Variants in FREM1 observed in about 807,000 individuals in gnomAD.
FREM1 encodes the protein FRAS1 related extracellular matrix 1.
In FREM1, 220 loss-of-function variants were observed where a neutral mutation model predicts 210.1. That is an observed-to-expected ratio of 1.05 (90% confidence interval 0.94 to 1.17). The LOEUF is 1.17. Among genes scored for constraint, FREM1 ranks in the 50% most tolerant of loss-of-function variants. The probability of loss-of-function intolerance (pLI) is 0.00; values close to 1 mark genes in which losing one functional copy is unlikely to be tolerated. For missense variants in FREM1, 3,454 were observed against 2,675.5 expected (o/e 1.29, Z -6.42); for synonymous variants, 1,189 against 980.2 (o/e 1.21, Z -3.98).
At chr9:14,792,420 G>C (rs1431105268) in intron 22 of FREM1, among the ~76,000 whole-genome samples, 7 of 152,054 alleles carry the variant, frequency 4.6e-5, no homozygotes, top group Non-Finnish European at 8.8e-5. Flanking sequence ...AAATCTGGTA[G>C]AAATGAAGAT....
At chr9:14,874,830 G>A (rs2131992576) in intron 1 of FREM1, among the ~76,000 whole-genome samples, 1 of 152,182 alleles carries the variant, frequency 6.6e-6, no homozygotes, top group South Asian at 2.1e-4. Flanking sequence ...CATATTTAGT[G>A]CTTCCTTCAG....
At position 14,825,445 on chromosome 9, in the gene FREM1, G is replaced by A. The variant is rs186108186; in HGVS notation, c.1882-453C>T. Among the ~76,000 whole-genome samples, 1,215 of 141,180 alleles carry A rather than the reference G, an allele frequency of 8.6e-3. 16 individuals carry two copies. The highest frequency in any genetic ancestry group is 0.031 in the African/African-American group (1,141 of 37,360). The allele number at this position is 141,180 out of a possible 152,430, so 92.6% of individuals were successfully genotyped here. A position where few individuals can be genotyped will look rare whatever the true frequency, so the allele number is the denominator to read the frequency against. On this transcript the variant is annotated intron_variant, in intron 10 of 36. Coordinates refer to ENST00000380880, the MANE Select transcript of FREM1 (RefSeq NM_001379081.2). ...GGAGGTTGCAGTGGGCTGAGATCAC[G>A]CCATTGCACTCCAGCCTGGATGACA...
At position 14,770,743 on chromosome 9, in the gene FREM1, G is replaced by C. The variant is rs774648748; in HGVS notation, c.4921C>G (p.Leu1641Val). The C allele has an allele frequency of 3.1e-6, 5 of 1,613,330 alleles. No individual in the cohort carries two copies. Among genetic ancestry groups the C allele is most frequent in the Non-Finnish European group, 4.2e-6 (5 of 1,179,594 alleles). ...ATCCCGTAGCAGCCATTTTTCAGGA[G>C]CCCCACTTGAGAAGGGGAATGCAAG... The part of the protein sequence containing the change: ...TLLHSPSQVG[L>V]LKNGCYGIYI... The change falls in exon 26 of 37, where the codon CTC becomes GTC. Residue 1641 changes from leucine (L) to valine (V), a missense_variant. By Grantham distance (32) the Leu-to-Val change is conservative. Coordinates refer to ENST00000380880, the MANE Select transcript of FREM1 (RefSeq NM_001379081.2).
intron 3 of FREM1, among the ~76,000 whole-genome samples, chr9:14,861,854 T>C (rs1381354007): frequency 6.6e-6 from 1 of 152,154 alleles, no homozygotes; most frequent in Non-Finnish European, 1.5e-5. Flanking sequence ...CTTATAGTTA[T>C]TTTAAAATGT....
intron 1 of FREM1, among the ~76,000 whole-genome samples, chr9:14,892,901 C>T (rs369309678): frequency 3.3e-5 from 5 of 152,236 alleles, no homozygotes; most frequent in South Asian, 4.2e-4. Context: ...CCAGAGACCA[C>T]GAGTTGAAAT....
intron 21 of FREM1, among the ~76,000 whole-genome samples, chr9:14,794,410 G>A (rs1588023114): frequency 6.6e-6 from 1 of 152,186 alleles, no homozygotes; most frequent in South Asian, 2.1e-4. Flanking sequence ...TCCCCAGAGT[G>A]CTCTCTGCTG....
intron 10 of FREM1, among the ~76,000 whole-genome samples, chr9:14,831,945 C>T (rs923198624): frequency 5.2e-4 from 79 of 152,288 alleles, no homozygotes; most frequent in African/African-American, 1.6e-3. Context: ...GGGGGACGCC[C>T]TCTACTGTTT....
intron 22 of FREM1, 141 bp from the exon 23 acceptor site, chr9:14,789,255 T>C (rs1850900317): frequency 1.8e-6 from 1 of 548,694 alleles, no homozygotes; most frequent in Non-Finnish European, 3.0e-6. Context: ...TTTGCCACTT[T>C]ACCTGATTTT....
intron 1 of FREM1, among the ~76,000 whole-genome samples, chr9:14,882,163 ACTT>A (rs1362353395): frequency 6.6e-5 from 10 of 152,114 alleles, no homozygotes; most frequent in African/African-American, 1.9e-4. Context: ...TTTAATAATC[ACTT>A]CTTCTTCAAG....
chr9:14,835,302 G>T (rs531909696), intron 10 of FREM1, among the ~76,000 whole-genome samples: 4 of 152,098 alleles, frequency 2.6e-5, no homozygotes, highest in Non-Finnish European at 5.9e-5. Context: ...ATTTTTCTCC[G>T]CCTGATTCCT....
chr9:14,753,586 C>T (rs377723007), intron 29 of FREM1, among the ~76,000 whole-genome samples: 3 of 152,178 alleles, frequency 2.0e-5, no homozygotes, highest in East Asian at 1.9e-4. Context: ...AGTTCTCAAA[C>T]CTTACGGCAT....
At chr9:14,873,311 G>T (rs1833059873) in intron 1 of FREM1, among the ~76,000 whole-genome samples, 2 of 152,106 alleles carry the variant, frequency 1.3e-5, no homozygotes, top group Admixed American at 6.6e-5. Context: ...GACTCTTTTT[G>T]GTTGGTAAGC....
intron 10 of FREM1, among the ~76,000 whole-genome samples, chr9:14,831,005 A>T (rs10961738): frequency 0.4 from 60,350 of 151,888 alleles, 12,019 homozygotes; most frequent in African/African-American, 0.43. Flanking sequence ...TACTCAAGTC[A>T]CGGATATAAG....
intron 36 of FREM1, among the ~76,000 whole-genome samples, chr9:14,738,963 T>C (rs1341568243): frequency 7.2e-6 from 1 of 138,416 alleles, no homozygotes; most frequent in Non-Finnish European, 1.5e-5. Context: ...TGAGCCAAGA[T>C]TGCACCACTC....
intron 36 of FREM1, among the ~76,000 whole-genome samples, 195 bp from the exon 37 acceptor site, chr9:14,737,790 C>A (rs2131821989): frequency 6.6e-6 from 1 of 152,264 alleles, no homozygotes; most frequent in South Asian, 2.1e-4. Context: ...CTACCACTTA[C>A]TTGCTAGATG....
intron 16 of FREM1, among the ~76,000 whole-genome samples, chr9:14,810,385 T>C (rs1014291337): frequency 3.9e-5 from 6 of 152,168 alleles, no homozygotes; most frequent in African/African-American, 1.4e-4. Context: ...AGTGAAATTC[T>C]TTACCTTGAA....
At chr9:14,824,725 A>T in intron 11 of FREM1, 71 bp downstream of exon 11, 2 of 938,154 alleles carry the variant, frequency 2.1e-6, no homozygotes, top group Non-Finnish European at 3.4e-6. Flanking sequence ...ATATATATAT[A>T]TTGCTCTATA....
At position 14,768,650 on chromosome 9, in the gene FREM1, G is replaced by C. The variant is rs1846921623; in HGVS notation, c.5204+1074C>G. The stretch of plus-strand genomic sequence containing the variant: ...TCGAGGCAACGGAGTGGGACGCTGG[G>C]AATGTGTTTTGCTAAGAAAAGGAGG... On this transcript the variant is annotated intron_variant, in intron 27 of 36. Coordinates refer to ENST00000380880, the MANE Select transcript of FREM1 (RefSeq NM_001379081.2). Among the ~76,000 whole-genome samples, 4 of 152,184 alleles carry C rather than the reference G, an allele frequency of 2.6e-5. No individual in the cohort carries two copies. In the South Asian group the frequency reaches 8.3e-4, roughly 32 times the overall value.
chr9:14,738,191 T>C (rs1840746187), intron 36 of FREM1, among the ~76,000 whole-genome samples: 1 of 152,184 alleles, frequency 6.6e-6, no homozygotes, highest in African/African-American at 2.4e-5. Context: ...TTTTGCAAAT[T>C]ACACTTTAAT....
Sources: allele counts gnomAD v4.1 joint callset (sites outside exome capture counted in the v4.1 genomes callset), GRCh38; gene constraint gnomAD v4.1.1; transcripts MANE v1.5; gene names NCBI Gene and HGNC (gene_info 2026-07-23, HGNC 2026-07-21).